The following PARD3B variants were observed in gnomAD, a reference collection of about 807,000 sequenced individuals.
The protein encoded by PARD3B is partitioning defective 3 homolog B.
A neutral mutation model predicts 130.2 loss-of-function variants in PARD3B; 103 were observed. The observed-to-expected ratio is 0.79, with a 90% CI of 0.67 to 0.93. The LOEUF (loss-of-function observed/expected upper bound fraction) is 0.93. Ranked by LOEUF, PARD3B falls within the 40% of genes least tolerant of loss-of-function variation. The pLI, the probability that PARD3B is intolerant of heterozygous loss-of-function variation, is 0.00. For synonymous variants in PARD3B, 583 were observed against 553.2 expected (o/e 1.05, Z -0.76); for missense variants, 1,609 against 1,499.2 (o/e 1.07, Z -1.21).
chr2:204,611,594 T>C, intron 1 of PARD3B, among the ~76,000 whole-genome samples: 1 of 152,196 alleles, frequency 6.6e-6, no homozygotes, highest in Admixed American at 6.5e-5. Flanking sequence ...TTATAAGGTT[T>C]ATAACTTGCA....
At position 205,217,887 on chromosome 2, in the gene PARD3B, TATATA is replaced by T. The variant is rs1181565402; in HGVS notation, c.2140+24568_2140+24572del. Reference sequence around the variant, plus strand: ...GTGTGTGTATATATATATATATATATATATATATTTTTTTTTTTATTTTTTTGAGA... The same window carrying T: ...GTGTGTGTATATATATATATATATATTATTTTTTTTTTTATTTTTTTGAGA... On this transcript the variant is annotated intron_variant, in intron 15 of 22. Coordinates refer to ENST00000406610, the MANE Select transcript of PARD3B (RefSeq NM_001302769.2). Among the ~76,000 whole-genome samples the T allele has an allele frequency of 1.6e-3, 170 of 103,488 alleles. 5 individuals carry two copies. The highest frequency in any genetic ancestry group is 2.0e-3 in the Non-Finnish European group (108 of 53,556). 67.9% of individuals were successfully genotyped at this position (103,488 alleles called of 152,430 possible).
chr2:205,463,438 TAAAAAAAAA>T lies in PARD3B; in HGVS notation c.3044+22779_3044+22787del, dbSNP rs35556760. On this transcript the variant is annotated intron_variant, in intron 20 of 22. Transcript: ENST00000406610. The surrounding 1 kb of genome is among the most constrained non-coding windows in gnomAD (Gnocchi z 4.8). Reference sequence around the variant, plus strand: ...AACATTTCACTGCACATTAATTCTTTAAAAAAAAAAAAAAAAAAAAACCTGTCATTTAAT... The same window carrying T: ...AACATTTCACTGCACATTAATTCTTTAAAAAAAAAAAACCTGTCATTTAAT... 8.2e-6 allele frequency among the ~76,000 whole-genome samples: 1 copy of T among 121,562 alleles called. No homozygotes were observed. The highest frequency in any genetic ancestry group is 1.8e-5 in the Non-Finnish European group (1 of 56,048). 79.7% of individuals were successfully genotyped at this position (121,562 alleles called of 152,430 possible).
intron 2 of PARD3B, among the ~76,000 whole-genome samples, chr2:204,798,043 GAAC>G (rs1405758180): frequency 6.6e-6 from 1 of 152,142 alleles, no homozygotes; most frequent in African/African-American, 2.4e-5. Flanking sequence ...ACAACAGATA[GAAC>G]AACTATCCAC....
chr2:205,538,501 C>T (rs976819048), intron 21 of PARD3B, among the ~76,000 whole-genome samples: 1 of 150,308 alleles, frequency 6.7e-6, no homozygotes, highest in Non-Finnish European at 1.5e-5. Context: ...ACATGCATAT[C>T]ATCCTTCTAA....
chr2:205,077,215 A>G (rs1701121578), intron 4 of PARD3B, among the ~76,000 whole-genome samples: 1 of 152,164 alleles, frequency 6.6e-6, no homozygotes, highest in Admixed American at 6.5e-5. Context: ...GTCAAAAGCC[A>G]CAGGTACTTG....
intron 1 of PARD3B, among the ~76,000 whole-genome samples, chr2:204,595,360 A>G (rs2033240588): frequency 6.6e-6 from 1 of 152,180 alleles, no homozygotes; most frequent in South Asian, 2.1e-4. Flanking sequence ...AGAAATTGAG[A>G]TGGAGTTTGG....
rs16836920 is a variant in PARD3B, at chr2:205,091,908, G to A, written c.505-12518G>A. Among the ~76,000 whole-genome samples, 4,739 of 152,124 alleles carry A rather than the reference G, an allele frequency of 0.031. 241 individuals carry two copies. Among genetic ancestry groups the A allele is most frequent in the African/African-American group, 0.11 (4,421 of 41,482 alleles). On this transcript the variant is annotated intron_variant, in intron 4 of 22. Coordinates refer to ENST00000406610, the MANE Select transcript of PARD3B (RefSeq NM_001302769.2). This position sits in a 1 kb window ranked among gnomAD's most constrained non-coding sequence, Gnocchi z 4.2. The stretch of plus-strand genomic sequence containing the variant: ...TGGAGCAAAGGGGACCCTCAATAAG[G>A]ACTTGTGAACTGAATGATTCCTGTT...
intron 1 of PARD3B, among the ~76,000 whole-genome samples, chr2:204,582,112 C>A (rs1268020216): frequency 1.3e-5 from 2 of 152,144 alleles, no homozygotes; most frequent in Admixed American, 6.5e-5. Context: ...CTGTTCTTCT[C>A]GAATGTTCCC....
At chr2:205,529,162 G>A (rs2051471112) in intron 21 of PARD3B, among the ~76,000 whole-genome samples, 1 of 152,202 alleles carries the variant, frequency 6.6e-6, no homozygotes, top group Admixed American at 6.5e-5. Flanking sequence ...CAGGAAAAGA[G>A]CTTGGCATGG....
rs2054437070 is a variant in PARD3B, at chr2:205,592,861, C to T, written c.3261-22595C>T. Among the ~76,000 whole-genome samples, 1 of 152,240 alleles carries T rather than the reference C, an allele frequency of 6.6e-6. No homozygotes were observed. Among genetic ancestry groups the T allele is most frequent in the South Asian group, 2.1e-4 (1 of 4,834 alleles). ...CTCTGTCTTCAAGGTTCCCTTAATG[C>T]AGTCCCCTTGTCAGAAGCCACACCT... On this transcript the variant is annotated intron_variant, in intron 22 of 22. Transcript: ENST00000406610. The surrounding 1 kb of genome is among the most constrained non-coding windows in gnomAD (Gnocchi z 4.5).
At chr2:205,050,171 T>G (rs1699092380) in intron 4 of PARD3B, among the ~76,000 whole-genome samples, 2 of 148,498 alleles carry the variant, frequency 1.3e-5, no homozygotes, top group Admixed American at 6.8e-5. Flanking sequence ...TAATTAATTA[T>G]TATTAATTAA....
chr2:205,214,348 A>T (rs1294133333), intron 15 of PARD3B, among the ~76,000 whole-genome samples: 1 of 152,082 alleles, frequency 6.6e-6, no homozygotes, highest in African/African-American at 2.4e-5. Context: ...CTGAAGCAAC[A>T]TGAAATTGAA....
chr2:204,998,358 A>ATATATGTGTG (rs1400529301), intron 3 of PARD3B, among the ~76,000 whole-genome samples: 5 of 69,874 alleles, frequency 7.2e-5, no homozygotes, highest in Non-Finnish European at 1.0e-4. Context: ...ATATATATAT[A>ATATATGTGTG]TGTGTGTGTG....
chr2:205,314,198 A>T (rs2042483228), intron 18 of PARD3B, among the ~76,000 whole-genome samples: 1 of 152,172 alleles, frequency 6.6e-6, no homozygotes, highest in Non-Finnish European at 1.5e-5. Context: ...TTATCTGAGA[A>T]CTTCAATGTA....
At chr2:205,203,905 A>G (rs375668097) in intron 15 of PARD3B, among the ~76,000 whole-genome samples, 101 of 152,346 alleles carry the variant, frequency 6.6e-4, no homozygotes, top group Non-Finnish European at 1.2e-3. Context: ...TAGTGCCGCA[A>G]TAAACATACG....
chr2:205,235,838 A>G (rs1035648462), intron 15 of PARD3B, among the ~76,000 whole-genome samples: 92 of 152,326 alleles, frequency 6.0e-4, no homozygotes, highest in African/African-American at 2.2e-3. Context: ...TTTACTGTAA[A>G]TTCAATCCAA....
chr2:204,704,735 AG>A (rs772497010), intron 2 of PARD3B, among the ~76,000 whole-genome samples: 2 of 152,078 alleles, frequency 1.3e-5, no homozygotes, highest in Non-Finnish European at 2.9e-5. Flanking sequence ...TTTGAATCTG[AG>A]GGGGCCACTA....
chr2:204,597,521 C>T (rs900670304), intron 1 of PARD3B, among the ~76,000 whole-genome samples: 3 of 152,188 alleles, frequency 2.0e-5, no homozygotes, highest in African/African-American at 7.2e-5. Flanking sequence ...CTACTGCTAA[C>T]ATGTGTGAAT....
chr2:205,072,087 T>G (rs187875906), intron 4 of PARD3B, among the ~76,000 whole-genome samples: 26 of 152,316 alleles, frequency 1.7e-4, no homozygotes, highest in African/African-American at 6.3e-4. Flanking sequence ...TAATTCATCT[T>G]GTTGTAAAGA....
Sources: allele counts gnomAD v4.1 joint callset (sites outside exome capture counted in the v4.1 genomes callset), GRCh38; gene constraint gnomAD v4.1.1; non-coding constraint Gnocchi (gnomAD v3.1); transcripts MANE v1.5; gene names NCBI Gene and HGNC (gene_info 2026-07-23, HGNC 2026-07-21).